STAG1: variants seen among roughly 807,000 people sequenced by gnomAD.
STAG1 encodes the protein STAG1 cohesin complex component, also known as cohesin subunit SA-1.
A neutral mutation model predicts 170.9 loss-of-function variants in STAG1; 26 were observed. That is an observed-to-expected ratio of 0.15 (90% CI 0.11 to 0.21). The LOEUF (loss-of-function observed/expected upper bound fraction) is 0.21, where lower values mean the gene tolerates loss of function less well. Ranked by LOEUF, STAG1 falls within the 10% of genes least tolerant of loss-of-function variation. STAG1 has a pLI of 1.00. For missense variants in STAG1, 964 were observed against 1,509.5 expected (o/e 0.64, Z 5.99); for synonymous variants, 514 against 497.7 (o/e 1.03, Z -0.44).
intron 1 of STAG1, among the ~76,000 whole-genome samples, chr3:136,711,547 C>T (rs1204846038): frequency 6.9e-6 from 1 of 144,678 alleles, no homozygotes; most frequent in African/African-American, 2.7e-5. Flanking sequence ...GGAAACAGAG[C>T]GAGAGCATGT....
intron 9 of STAG1, among the ~76,000 whole-genome samples, chr3:136,486,846 A>AG (rs1403688803): frequency 2.0e-5 from 3 of 152,112 alleles, no homozygotes; most frequent in Non-Finnish European, 2.9e-5. Context: ...CGTCTTCAGC[A>AG]GGGAAATCCT....
intron 6 of STAG1, among the ~76,000 whole-genome samples, chr3:136,540,694 C>A (rs1210872074): frequency 6.6e-6 from 1 of 151,228 alleles, no homozygotes; most frequent in African/African-American, 2.4e-5. Flanking sequence ...TGGTGGCACA[C>A]CCCTGTAATC....
intron 21 of STAG1, among the ~76,000 whole-genome samples, chr3:136,403,317 G>A (rs1009357991): frequency 1.3e-5 from 2 of 150,426 alleles, no homozygotes; most frequent in African/African-American, 4.9e-5. Flanking sequence ...AGGAATAAGT[G>A]GTGCGCTGCC....
chr3:136,428,877 G>A (rs2088210779), intron 16 of STAG1, among the ~76,000 whole-genome samples: 1 of 152,226 alleles, frequency 6.6e-6, no homozygotes, highest in Non-Finnish European at 1.5e-5. Flanking sequence ...GCTCACGTCT[G>A]TAATCCCCGC....
intron 6 of STAG1, 24 bp from the exon 7 acceptor site, chr3:136,521,441 T>TTAA (rs767661080): frequency 1.2e-5 from 20 of 1,602,210 alleles, no homozygotes; most frequent in Middle Eastern, 1.7e-4. Context: ...AAAGAACATA[T>TTAA]TAAGTATGTC....
At chr3:136,400,179 TCC>T (rs2087278107) in intron 21 of STAG1, among the ~76,000 whole-genome samples, 1 of 152,054 alleles carries the variant, frequency 6.6e-6, no homozygotes, top group Non-Finnish European at 1.5e-5. Flanking sequence ...TGCCTTGGTG[TCC>T]CATACTGCTA....
chr3:136,674,597 T>C (rs962892702), intron 1 of STAG1, among the ~76,000 whole-genome samples: 1 of 152,126 alleles, frequency 6.6e-6, no homozygotes, highest in Non-Finnish European at 1.5e-5. Flanking sequence ...ATCTATACAT[T>C]TGTCAAAACT....
At chr3:136,436,660 C>T (rs1365943761) in intron 15 of STAG1, among the ~76,000 whole-genome samples, 1 of 151,818 alleles carries the variant, frequency 6.6e-6, no homozygotes, top group East Asian at 1.9e-4. Flanking sequence ...TATTGAAGAC[C>T]AGTAGATGTA....
chr3:136,405,589 T>C (rs2087458274), intron 21 of STAG1, among the ~76,000 whole-genome samples: 1 of 151,238 alleles, frequency 6.6e-6, no homozygotes, highest in Non-Finnish European at 1.5e-5. Flanking sequence ...GGTGTGGTGG[T>C]TCATGCCTGT....
chr3:136,675,656 C>T (rs1423628915), intron 1 of STAG1, among the ~76,000 whole-genome samples: 1 of 152,098 alleles, frequency 6.6e-6, no homozygotes, highest in Non-Finnish European at 1.5e-5. Flanking sequence ...AATTTCAGAA[C>T]ACTTTCATCA....
intron 5 of STAG1, among the ~76,000 whole-genome samples, chr3:136,543,152 G>C (rs1222085649): frequency 6.6e-6 from 1 of 152,126 alleles, no homozygotes; most frequent in Non-Finnish European, 1.5e-5. Flanking sequence ...CTCCAAGAAA[G>C]AGAAATGGGC....
At chr3:136,409,225 C>T (rs1417815665) in intron 21 of STAG1, among the ~76,000 whole-genome samples, 3 of 152,130 alleles carry the variant, frequency 2.0e-5, no homozygotes, top group Non-Finnish European at 4.4e-5. Context: ...GATCGCACCA[C>T]TACTCTCCAG....
chr3:136,343,774 A>G, intron 30 of STAG1, 58 bp downstream of exon 30: 4 of 1,379,916 alleles, frequency 2.9e-6, no homozygotes, highest in Non-Finnish European at 2.9e-6. Flanking sequence ...AGTTTTTCTT[A>G]AATAGTTTTA....
chr3:136,536,703 C>CAAAA (rs11321017), intron 6 of STAG1, among the ~76,000 whole-genome samples: 9 of 70,908 alleles, frequency 1.3e-4, no homozygotes, highest in Non-Finnish European at 2.0e-4. Flanking sequence ...ACTCAGTCTC[C>CAAAA]AAAAAAAAAA....
chr3:136,542,966 G>A (rs1935979884), intron 5 of STAG1, among the ~76,000 whole-genome samples: 1 of 151,996 alleles, frequency 6.6e-6, no homozygotes, highest in Admixed American at 6.6e-5. Context: ...ACTCTTTATT[G>A]ACTCTCAAAG....
rs1297487820 is a variant in STAG1 at position 136,609,407 on chromosome 3, A to G, written c.133-4934T>C. 8.7e-5 allele frequency: 13 copies of G among 148,692 alleles called. No individual in the cohort carries two copies. The Admixed American group carries it at 8.8e-4, about 10-fold the overall frequency. 9.2% of individuals were successfully genotyped at this position (148,692 alleles called of 1,614,324 possible). ...TATATAAATTTGTATATAAATATTT[A>G]TAGATACATATATATATATATACAC... On this transcript the variant is annotated intron_variant, in intron 3 of 33. Transcript: ENST00000383202.
At chr3:136,643,139 T>C (rs772110561) in intron 1 of STAG1, among the ~76,000 whole-genome samples, 9 of 152,218 alleles carry the variant, frequency 5.9e-5, no homozygotes, top group Admixed American at 6.5e-5. Flanking sequence ...TCAACGTATC[T>C]ATTTGGGGGA....
At chr3:136,394,996 C>T (rs551280541) in intron 22 of STAG1, among the ~76,000 whole-genome samples, 1 of 150,924 alleles carries the variant, frequency 6.6e-6, no homozygotes, top group South Asian at 2.1e-4. Context: ...CTTGTAGTCC[C>T]AGCTACTTCA....
chr3:136,419,837 T>C (rs1302074801), intron 20 of STAG1, among the ~76,000 whole-genome samples: 2 of 152,158 alleles, frequency 1.3e-5, no homozygotes, highest in Admixed American at 6.6e-5. Flanking sequence ...TGTAGCACTC[T>C]AGTGATAAAA....
Sources: allele counts gnomAD v4.1 joint callset (sites outside exome capture counted in the v4.1 genomes callset), GRCh38; gene constraint gnomAD v4.1.1; transcripts MANE v1.5; gene names NCBI Gene and HGNC (gene_info 2026-07-23, HGNC 2026-07-21).